Variants in COL14A1 observed in about 807,000 individuals in gnomAD.
COL14A1 encodes collagen alpha-1(XIV) chain.
Under a neutral mutation model 230.3 loss-of-function variants are expected in COL14A1, and 136 were observed. The ratio of observed to expected loss-of-function variants is 0.59; its 90% CI spans 0.51 to 0.68. COL14A1 has a LOEUF of 0.68. COL14A1 is among the 30% of genes least tolerant of loss of function. The probability of loss-of-function intolerance (pLI) is 0.00; values close to 1 mark genes in which losing one functional copy is unlikely to be tolerated. For synonymous variants in COL14A1, 792 were observed against 784.1 expected, an observed-to-expected ratio of 1.01 and a Z score of -0.17; for missense variants, 1,976 against 2,215.8, an observed-to-expected ratio of 0.89 and a Z score of 2.17.
chr8:120,309,095 C>G (rs375512864), intron 36 of COL14A1, among the ~76,000 whole-genome samples: 1 of 152,070 alleles, frequency 6.6e-6, no homozygotes, highest in East Asian at 1.9e-4. Flanking sequence ...CCACCACGCC[C>G]GGCTAATTTT....
At chr8:120,203,655 C>T (rs1455089695) in intron 8 of COL14A1, 54 bp from the exon 9 acceptor site, 1 of 1,584,722 alleles carries the variant, frequency 6.3e-7, no homozygotes, top group African/African-American at 1.3e-5. Flanking sequence ...ACCGCAGTCA[C>T]TCTTTCCAAG....
At chr8:120,187,401 A>G (rs1563659053) in intron 5 of COL14A1, among the ~76,000 whole-genome samples, 3 of 152,192 alleles carry the variant, frequency 2.0e-5, no homozygotes, top group South Asian at 4.1e-4. Flanking sequence ...TCCTCTCACT[A>G]AGAATTTAAT....
chr8:120,224,326 T>A (rs564050533), intron 14 of COL14A1, among the ~76,000 whole-genome samples: 1 of 152,020 alleles, frequency 6.6e-6, no homozygotes, highest in Admixed American at 6.6e-5. Flanking sequence ...TGTAGCACAA[T>A]ATCTAATGAG....
At chr8:120,307,453 T>C (rs530317019) in intron 36 of COL14A1, among the ~76,000 whole-genome samples, 1 of 152,324 alleles carries the variant, frequency 6.6e-6, no homozygotes, top group African/African-American at 2.4e-5. Flanking sequence ...TAAGTTTGTG[T>C]AAGTACACTC....
intron 22 of COL14A1, among the ~76,000 whole-genome samples, chr8:120,254,706 C>T (rs1819082641): frequency 1.3e-5 from 2 of 150,460 alleles, no homozygotes; most frequent in South Asian, 4.2e-4. Context: ...CATACAGGGC[C>T]AGGTATAGTG....
intron 47 of COL14A1, chr8:120,370,618 G>A: frequency 6.9e-7 from 1 of 1,450,540 alleles, no homozygotes; most frequent in Non-Finnish European, 9.1e-7. Flanking sequence ...ACTGCTCCAT[G>A]TCAGCCTGGA....
intron 36 of COL14A1, among the ~76,000 whole-genome samples, chr8:120,305,331 G>A (rs1347385546): frequency 2.0e-5 from 3 of 152,076 alleles, no homozygotes; most frequent in African/African-American, 7.2e-5. Flanking sequence ...TATTTCAGAT[G>A]AACAAAAACT....
intron 5 of COL14A1, among the ~76,000 whole-genome samples, chr8:120,170,353 G>C (rs1297338442): frequency 2.6e-5 from 4 of 151,922 alleles, no homozygotes; most frequent in South Asian, 4.1e-4. Context: ...TTGTTATGCT[G>C]TAGTTCATAC....
Position 120,201,755 on chromosome 8 carries a change from A to G in COL14A1, c.878-1954A>G, listed in dbSNP as rs61430648. Among the ~76,000 whole-genome samples the G allele has an allele frequency of 9.1e-3, 1,389 of 152,332 alleles. 25 individuals carry two copies. Among genetic ancestry groups the G allele is most frequent in the African/African-American group, 0.032 (1,341 of 41,574 alleles). ...CTTGATTCAAGAAGTATTAGCTTACATACTATGTGCCAGGCATTGTGGAGG... is the reference window on the plus strand; with the variant it reads ...CTTGATTCAAGAAGTATTAGCTTACGTACTATGTGCCAGGCATTGTGGAGG... On this transcript the variant is annotated intron_variant, in intron 8 of 47. Coordinates refer to ENST00000297848, the MANE Select transcript of COL14A1 (RefSeq NM_021110.4).
intron 5 of COL14A1, among the ~76,000 whole-genome samples, chr8:120,172,343 G>A (rs945884726): frequency 3.9e-5 from 6 of 152,164 alleles, no homozygotes; most frequent in Admixed American, 3.3e-4. Context: ...TAGACATGGG[G>A]TTTCACCATG....
rs200148832 is a variant in COL14A1, at chr8:120,359,065, G to GT, written c.5078-8095dup. 6.7e-3 allele frequency among the ~76,000 whole-genome samples: 964 copies of GT among 144,842 alleles called. 13 individuals are homozygous for GT. Among genetic ancestry groups the GT allele is most frequent in the African/African-American group, 0.02 (802 of 39,748 alleles). On this transcript the variant is annotated intron_variant, in intron 45 of 47. Transcript: ENST00000297848. ...ATCCTTGATTTTGGATGTGTTTATCGTTTTTTTTTTTATGTTAACTTTTGG... is the reference window on the plus strand; with the variant it reads ...ATCCTTGATTTTGGATGTGTTTATCGTTTTTTTTTTTTATGTTAACTTTTGG...
intron 44 of COL14A1, among the ~76,000 whole-genome samples, chr8:120,342,779 A>G (rs562039189): frequency 1.3e-5 from 2 of 152,270 alleles, no homozygotes; most frequent in Admixed American, 6.5e-5. Flanking sequence ...TCAAGTGTTC[A>G]GCACTTGAAA....
In COL14A1 at chr8:120,250,692, T is replaced by C. The variant is rs376379414; in HGVS notation, c.2678T>C (p.Met893Thr). ...CTTATCACAAACCTCCTCAGCGGAA[T>C]GGACTACAATGTGAAGATATTTGCC... ...TILITNLLSG[M>T]DYNVKIFASQ... The change falls in exon 22 of 48, where the codon ATG becomes ACG. Residue 893 changes from methionine to threonine, a missense_variant. By Grantham distance (81) the Met-to-Thr change is moderately conservative. This residue lies in a region of COL14A1 where 1,791 missense variants were observed against 2,019.5 expected (regional missense o/e 0.89). Transcript: ENST00000297848. 1 of 1,614,234 alleles carries C rather than the reference T, an allele frequency of 6.2e-7. No homozygotes were observed. Among genetic ancestry groups the C allele is most frequent in the Non-Finnish European group, 8.5e-7 (1 of 1,180,046 alleles).
At chr8:120,292,775 T>C (rs1000191003) in intron 34 of COL14A1, among the ~76,000 whole-genome samples, 1 of 152,118 alleles carries the variant, frequency 6.6e-6, no homozygotes, top group Admixed American at 6.5e-5. Context: ...CAACAATTAT[T>C]CAATAAATGC....
In COL14A1 at chr8:120,197,899, C is replaced by T. The variant is rs761567014; in HGVS notation, c.681C>T (p.Asn227=). The T allele has an allele frequency of 1.2e-6, 2 of 1,613,570 alleles. No homozygotes were observed. The highest frequency in any genetic ancestry group is 2.2e-5 in the South Asian group (2 of 91,052). Residue 227 remains asparagine, a synonymous_variant, in exon 7 of 48, where the codon AAC becomes AAT. Coordinates refer to ENST00000297848, the MANE Select transcript of COL14A1 (RefSeq NM_021110.4). ...ATGAAGTGATTGAAGCTGTCCGAAACCTCCCATATAAAGGAGGAAATACAC... is the reference window on the plus strand; with the variant it reads ...ATGAAGTGATTGAAGCTGTCCGAAATCTCCCATATAAAGGAGGAAATACAC... ...TKDEVIEAVR[N]LPYKGGNTLT... is the part of the protein sequence containing the mutation.
In COL14A1 at chr8:120,259,195, A is replaced by G. The variant is rs189684893; in HGVS notation, c.2870-3673A>G. Among the ~76,000 whole-genome samples the G allele has an allele frequency of 6.6e-5, 10 of 152,322 alleles. No homozygotes were observed. In the East Asian group the frequency reaches 1.7e-3, roughly 26 times the overall value. ...CTGAAGCAGTGACATTATGGGGAGT[A>G]TAATTATTTATATCATAAAATTCTA... On this transcript the variant is annotated intron_variant, in intron 23 of 47. Coordinates refer to ENST00000297848, the MANE Select transcript of COL14A1 (RefSeq NM_021110.4).
intron 1 of COL14A1, among the ~76,000 whole-genome samples, chr8:120,132,441 G>A (rs1441909751): frequency 6.6e-6 from 1 of 152,064 alleles, no homozygotes; most frequent in East Asian, 1.9e-4. Flanking sequence ...CCAGTACCAT[G>A]CTTTTTTGGT....
intron 14 of COL14A1, among the ~76,000 whole-genome samples, chr8:120,220,861 A>G (rs1817913822): frequency 6.6e-6 from 1 of 152,166 alleles, no homozygotes; most frequent in African/African-American, 2.4e-5. Context: ...TATGGTGATG[A>G]TGATGATGAT....
At chr8:120,204,410 T>C (rs1375446331) in intron 9 of COL14A1, among the ~76,000 whole-genome samples, 1 of 152,180 alleles carries the variant, frequency 6.6e-6, no homozygotes, top group East Asian at 1.9e-4. Context: ...ATTACGTGAA[T>C]GGAGGTATGT....
Sources: allele counts gnomAD v4.1 joint callset (sites outside exome capture counted in the v4.1 genomes callset), GRCh38; gene constraint gnomAD v4.1.1; regional missense constraint gnomAD v4.1.1; transcripts MANE v1.5; gene names NCBI Gene and HGNC (gene_info 2026-07-23, HGNC 2026-07-21).